Variants in DNAH14 observed in about 807,000 individuals in gnomAD.
The protein encoded by DNAH14 is axonemal beta dynein heavy chain 14.
Under a neutral mutation model 520.9 loss-of-function variants are expected in DNAH14, and 478 were observed. That is an observed-to-expected ratio of 0.92 (90% CI 0.85 to 0.99). The LOEUF (loss-of-function observed/expected upper bound fraction) is 0.99. Ranked by LOEUF, DNAH14 falls within the 50% of genes least tolerant of loss-of-function variation. The pLI is 0.00. For synonymous variants in DNAH14, 1,581 were observed against 1,757.2 expected, an observed-to-expected ratio of 0.90 and a Z score of 2.51; for missense variants, 4,831 against 5,234.5, an observed-to-expected ratio of 0.92 and a Z score of 2.38.
intron 28 of DNAH14, among the ~76,000 whole-genome samples, chr1:225,143,936 G>A (rs2079681753): frequency 6.6e-6 from 1 of 152,162 alleles, no homozygotes; most frequent in South Asian, 2.1e-4. Context: ...CAGTGCTCAT[G>A]ATATAAATAC....
intron 34 of DNAH14, among the ~76,000 whole-genome samples, chr1:225,155,038 A>G (rs1439762334): frequency 6.6e-6 from 1 of 152,112 alleles, no homozygotes. Flanking sequence ...AAATACACTC[A>G]ACCCCACACG....
At chr1:225,145,216 A>T (rs537259339) in intron 29 of DNAH14, 110 bp from the exon 30 acceptor site, 1 of 767,730 alleles carries the variant, frequency 1.3e-6, no homozygotes, top group East Asian at 2.8e-5. Flanking sequence ...TCATCTCCAT[A>T]TTGCAAAGTT....
At chr1:225,283,648 G>C (rs777446491) in intron 54 of DNAH14, among the ~76,000 whole-genome samples, 1 of 151,994 alleles carries the variant, frequency 6.6e-6, no homozygotes, top group African/African-American at 2.4e-5. Flanking sequence ...AATCAGCAAG[G>C]TTACAAAGAC....
intron 11 of DNAH14, among the ~76,000 whole-genome samples, chr1:225,035,234 A>G (rs536508867): frequency 5.3e-5 from 8 of 152,030 alleles, no homozygotes; most frequent in African/African-American, 1.9e-4. Flanking sequence ...TGATCCTTTG[A>G]ATTTCTGCAG....
At chr1:225,295,508 T>C (rs1332111846) in intron 55 of DNAH14, among the ~76,000 whole-genome samples, 2 of 152,176 alleles carry the variant, frequency 1.3e-5, no homozygotes, top group African/African-American at 4.8e-5. Context: ...CTTCATCCAT[T>C]TGTTGTTCAG....
In DNAH14 at chr1:225,380,201, C is replaced by T. The variant is rs552255629; in HGVS notation, c.12759C>T (p.Ser4253=). The change falls in exon 80 of 86, where the codon TCC becomes TCT. Residue 4253 remains serine (S), a synonymous_variant. Coordinates refer to ENST00000682510, the MANE Select transcript of DNAH14 (RefSeq NM_001367479.1). ...ATGAACTGGTGATGGAAATTCTATC[C>T]GACTTGCTAAAGCGGCTGCCACTGA... ...SKDELVMEIL[S]DLLKRLPLTV... The T allele has an allele frequency of 1.8e-5, 28 of 1,551,518 alleles. 1 individual carries two copies. Among genetic ancestry groups the T allele is most frequent in the East Asian group, 9.8e-5 (4 of 40,900 alleles).
chr1:225,328,301 A>G (rs1032889027), intron 64 of DNAH14, among the ~76,000 whole-genome samples: 3 of 152,310 alleles, frequency 2.0e-5, no homozygotes, highest in East Asian at 3.9e-4. Context: ...TATTTATAAC[A>G]CTGTCATTTG....
chr1:224,972,827 C>G (rs1190153159), intron 7 of DNAH14, among the ~76,000 whole-genome samples: 1 of 151,990 alleles, frequency 6.6e-6, no homozygotes, highest in African/African-American at 2.4e-5. Flanking sequence ...GGTAATATTT[C>G]AAATAGAAAA....
At chr1:225,308,012 G>A (rs2094284737) in intron 59 of DNAH14, among the ~76,000 whole-genome samples, 1 of 152,208 alleles carries the variant, frequency 6.6e-6, no homozygotes, top group Non-Finnish European at 1.5e-5. Context: ...ACCAATGGCA[G>A]AGAGCACCAG....
At chr1:225,324,911 C>A in intron 64 of DNAH14, 79 bp downstream of exon 64, 1 of 1,049,488 alleles carries the variant, frequency 9.5e-7, no homozygotes, top group Non-Finnish European at 1.4e-6. Context: ...TTATCAGTTT[C>A]AGATAAGATG....
chr1:224,967,709 T>C (rs756396083), intron 6 of DNAH14, 126 bp downstream of exon 6: 5 of 1,590,990 alleles, frequency 3.1e-6, no homozygotes, highest in Admixed American at 3.6e-5. Flanking sequence ...GAGCAGTTTA[T>C]ATATAAGAAT....
intron 23 of DNAH14, among the ~76,000 whole-genome samples, chr1:225,113,152 G>A (rs139275863): frequency 2.0e-5 from 3 of 152,202 alleles, no homozygotes; most frequent in Non-Finnish European, 4.4e-5. Context: ...AAACTTGGCT[G>A]TTACTATCTA....
intron 76 of DNAH14, among the ~76,000 whole-genome samples, chr1:225,367,128 A>G (rs1480741246): frequency 1.3e-5 from 2 of 150,488 alleles, no homozygotes; most frequent in African/African-American, 4.9e-5. Context: ...GTGTGTGTTT[A>G]TATATATAAA....
intron 60 of DNAH14, among the ~76,000 whole-genome samples, chr1:225,313,290 A>G (rs7515730): frequency 6.6e-6 from 1 of 151,794 alleles, no homozygotes; most frequent in African/African-American, 2.4e-5. Context: ...CAGTGGTGAG[A>G]TCCCCTTTAT....
intron 17 of DNAH14, among the ~76,000 whole-genome samples, chr1:225,058,968 G>A (rs2069574136): frequency 6.6e-6 from 1 of 152,016 alleles, no homozygotes; most frequent in Admixed American, 6.6e-5. Context: ...GTCAATTTTT[G>A]AATAGGTGTG....
At chr1:225,262,637 G>A (rs974736032) in intron 46 of DNAH14, among the ~76,000 whole-genome samples, 6 of 151,790 alleles carry the variant, frequency 4.0e-5, no homozygotes, top group Admixed American at 2.0e-4. Flanking sequence ...CTGATTTGTC[G>A]AAGATCAGTT....
chr1:225,222,665 C>T (rs2090153514), intron 41 of DNAH14, among the ~76,000 whole-genome samples: 1 of 152,160 alleles, frequency 6.6e-6, no homozygotes, highest in African/African-American at 2.4e-5. Flanking sequence ...TTACAGAACA[C>T]TGGTGCATTT....
intron 15 of DNAH14, among the ~76,000 whole-genome samples, chr1:225,048,386 C>T (rs956862218): frequency 3.9e-5 from 6 of 152,152 alleles, no homozygotes; most frequent in African/African-American, 1.4e-4. Flanking sequence ...CCTGTAATCC[C>T]AGCTACTTGG....
intron 21 of DNAH14, among the ~76,000 whole-genome samples, chr1:225,088,308 TAAGTA>T (rs1320895707): frequency 2.6e-5 from 4 of 152,078 alleles, no homozygotes; most frequent in African/African-American, 9.7e-5. Context: ...GTTAAAAAGT[TAAGTA>T]GAGAGGTAAA....
Sources: allele counts gnomAD v4.1 joint callset (sites outside exome capture counted in the v4.1 genomes callset), GRCh38; gene constraint gnomAD v4.1.1; transcripts MANE v1.5; gene names NCBI Gene and HGNC (gene_info 2026-07-23, HGNC 2026-07-21).